DNAH11: variants seen among roughly 807,000 people sequenced by gnomAD.
DNAH11 encodes dynein axonemal heavy chain 11.
In DNAH11, 442 loss-of-function variants were observed where a neutral mutation model predicts 526.0. That is an observed-to-expected ratio of 0.84 (90% confidence interval 0.78 to 0.91). The LOEUF (loss-of-function observed/expected upper bound fraction) is 0.91, where lower values mean the gene tolerates loss of function less well. DNAH11 is among the 40% of genes least tolerant of loss of function. The pLI, the probability that DNAH11 is intolerant of heterozygous loss-of-function variation, is 0.00. For synonymous variants in DNAH11, 2,461 were observed against 1,935.9 expected (o/e 1.27, Z -7.12); for missense variants, 6,989 against 5,448.7 (o/e 1.28, Z -8.90).
intron 6 of DNAH11, among the ~76,000 whole-genome samples, chr7:21,569,570 A>G (rs1184134370): frequency 6.6e-6 from 1 of 152,108 alleles, no homozygotes; most frequent in Non-Finnish European, 1.5e-5. Flanking sequence ...ATGTTACTTG[A>G]GCCCCCAGAA....
At chr7:21,623,035 T>A (rs1786152291) in intron 25 of DNAH11, among the ~76,000 whole-genome samples, 1 of 151,816 alleles carries the variant, frequency 6.6e-6, no homozygotes, top group Non-Finnish European at 1.5e-5. Flanking sequence ...ACAGGCAACC[T>A]ACAAAATGGG....
chr7:21,756,642 T>G (rs917296019), intron 54 of DNAH11, among the ~76,000 whole-genome samples: 19 of 152,150 alleles, frequency 1.2e-4, no homozygotes, highest in South Asian at 8.3e-4. Context: ...ACTGTTTTCC[T>G]TGTTATAATT....
intron 46 of DNAH11, among the ~76,000 whole-genome samples, chr7:21,736,805 G>A (rs1775529702): frequency 6.6e-6 from 1 of 152,124 alleles, no homozygotes; most frequent in Admixed American, 6.5e-5. Context: ...CCCGGGCAAT[G>A]TATTGAGATA....
intron 32 of DNAH11, among the ~76,000 whole-genome samples, chr7:21,686,463 G>A (rs536785402): frequency 6.6e-6 from 1 of 152,192 alleles, no homozygotes; most frequent in East Asian, 1.9e-4. Flanking sequence ...AGGTATTCTT[G>A]TTTCATGATT....
chr7:21,570,187 G>C lies in DNAH11; in HGVS notation c.1313G>C (p.Arg438Thr), dbSNP rs1246017758. The C allele has an allele frequency of 6.2e-7, 1 of 1,613,356 alleles. No homozygotes were observed. The highest frequency in any genetic ancestry group is 2.2e-5 in the East Asian group (1 of 44,856). ...TTCAAAAACTCCTTTTTCAACTATA[G>C]AAAAAAATTGGCAAGCTACTTTATG... ...KTFKNSFFNY[R>T]KKLASYFMGR... The change falls in exon 7 of 82, where the codon AGA becomes ACA. Residue 438 changes from arginine to threonine, a missense_variant. Arg to Thr is a moderately conservative substitution (Grantham distance 71, BLOSUM62 -1). Transcript: ENST00000409508.
At chr7:21,666,706 TAGAGA>T (rs1782432923) in intron 30 of DNAH11, among the ~76,000 whole-genome samples, 1 of 151,998 alleles carries the variant, frequency 6.6e-6, no homozygotes, top group South Asian at 2.1e-4. Flanking sequence ...ATTACCTGAA[TAGAGA>T]AGCCTGTCAA....
chr7:21,601,617 A>G lies in DNAH11; in HGVS notation c.3647A>G (p.Glu1216Gly). The G allele has an allele frequency of 6.4e-7, 1 of 1,564,046 alleles. No individual in the cohort carries two copies. The highest frequency in any genetic ancestry group is 1.2e-5 in the South Asian group (1 of 84,362). The change falls in exon 18 of 82, where the codon GAG becomes GGG. Residue 1216 changes from glutamate to glycine, a missense_variant and splice_region_variant. By Grantham distance (98) the Glu-to-Gly change is moderately conservative. Transcript: ENST00000409508. Reference protein sequence around the residue: ...KMPEQVYIQLEELPERWETTK... With the variant: ...KMPEQVYIQLGELPERWETTK... ...CCTGAGCAGGTCTATATTCAGCTAG[A>G]GGTAAGTGCAGAGGTGAAATAATCA... is the stretch of plus-strand genomic sequence containing the variant.
At chr7:21,801,975 A>G (rs976199932) in intron 62 of DNAH11, among the ~76,000 whole-genome samples, 12 of 152,110 alleles carry the variant, frequency 7.9e-5, no homozygotes, top group African/African-American at 2.9e-4. Flanking sequence ...CACAGATTTT[A>G]TTTGCTCCAC....
At chr7:21,685,192 C>A (rs1038309581) in intron 32 of DNAH11, among the ~76,000 whole-genome samples, 1 of 152,158 alleles carries the variant, frequency 6.6e-6, no homozygotes. Flanking sequence ...GCATTGCTTT[C>A]AGTGAGAGGG....
intron 68 of DNAH11, among the ~76,000 whole-genome samples, chr7:21,857,803 T>A (rs1031287827): frequency 6.6e-6 from 1 of 152,124 alleles, no homozygotes; most frequent in Non-Finnish European, 1.5e-5. Context: ...CAAACTATTA[T>A]ACTATATAAA....
intron 8 of DNAH11, among the ~76,000 whole-genome samples, chr7:21,581,476 A>G (rs187030266): frequency 3.9e-5 from 6 of 152,332 alleles, no homozygotes; most frequent in Admixed American, 3.9e-4. Context: ...GAAAAAACAA[A>G]CAAAAACCCT....
Position 21,559,412 on chromosome 7 carries a change from T to C in DNAH11, c.693-191T>C, listed in dbSNP as rs1253344417. Among the ~76,000 whole-genome samples, 15 of 152,316 alleles carry C rather than the reference T, an allele frequency of 9.8e-5. No individual in the cohort carries two copies. The East Asian group carries it at 2.7e-3, about 27-fold the overall frequency. On this transcript the variant is annotated intron_variant, in intron 3 of 81. Coordinates refer to ENST00000409508, the MANE Select transcript of DNAH11 (RefSeq NM_001277115.2). Reference sequence around the variant, plus strand: ...GGATATAATTCTTTAACAGTGTTTTTTGAGGTTAGAGATATGTCACTGACA... The same window carrying C: ...GGATATAATTCTTTAACAGTGTTTTCTGAGGTTAGAGATATGTCACTGACA...
At chr7:21,844,855 G>C (rs1316316689) in intron 66 of DNAH11, among the ~76,000 whole-genome samples, 1 of 152,098 alleles carries the variant, frequency 6.6e-6, no homozygotes, top group Non-Finnish European at 1.5e-5. Flanking sequence ...GACAGCCATG[G>C]GATCAAGGCT....
At chr7:21,754,008 A>G (rs557104740) in intron 54 of DNAH11, among the ~76,000 whole-genome samples, 37 of 152,332 alleles carry the variant, frequency 2.4e-4, no homozygotes, top group Non-Finnish European at 4.6e-4. Flanking sequence ...CTTTATAAAC[A>G]GCTACCTTAC....
At chr7:21,630,508 G>C (rs1193046456) in intron 25 of DNAH11, among the ~76,000 whole-genome samples, 1 of 152,164 alleles carries the variant, frequency 6.6e-6, no homozygotes, top group African/African-American at 2.4e-5. Context: ...TCTGGTGGTG[G>C]CGAATTAGCT....
In DNAH11 at chr7:21,852,618, A is replaced by C; in HGVS notation, c.11048A>C (p.Glu3683Ala). 1 of 1,597,208 alleles carries C rather than the reference A, an allele frequency of 6.3e-7. No homozygotes were observed. Reference protein sequence around the residue: ...RLEATKTTVAEIEHKVIEAKE... With the variant: ...RLEATKTTVAAIEHKVIEAKE... The stretch of plus-strand genomic sequence containing the variant: ...GAGGCAACAAAGACCACCGTGGCAG[A>C]GATAGAGCACAAGGTAGGAAGGGCA... Residue 3683 changes from glutamate (E) to alanine (A), a missense_variant, in exon 67 of 82, where the codon GAG becomes GCG. Physicochemically the swap from Glu to Ala is moderately radical, Grantham distance 107 (BLOSUM62 -1). Transcript: ENST00000409508.
chr7:21,556,628 A>G (rs1783227233), intron 2 of DNAH11, among the ~76,000 whole-genome samples: 2 of 152,126 alleles, frequency 1.3e-5, no homozygotes, highest in African/African-American at 4.8e-5. Flanking sequence ...TACCCAGGTA[A>G]TCAGCATAGT....
At chr7:21,779,467 T>TG (rs1787842753) in intron 57 of DNAH11, among the ~76,000 whole-genome samples, 1 of 152,208 alleles carries the variant, frequency 6.6e-6, no homozygotes, top group South Asian at 2.1e-4. Context: ...AACTCAATTG[T>TG]TAACAAAGCC....
At position 21,658,792 on chromosome 7, in the gene DNAH11, C is replaced by T. The variant is rs768807134; in HGVS notation, c.5095-6C>T. On this transcript the variant is annotated splice_region_variant and splice_polypyrimidine_tract_variant and intron_variant, in intron 29 of 81. Transcript: ENST00000409508. ...TGTGTTATAACATTTCAACTTGCTT[C>T]CAAAGGTGGAAACATGGCTTCTGCA... The T allele has an allele frequency of 4.4e-5, 68 of 1,560,842 alleles. No individual in the cohort carries two copies. The highest frequency in any genetic ancestry group is 5.3e-5 in the Non-Finnish European group (61 of 1,151,576).
Sources: gnomAD v4.1 joint callset for allele counts (sites outside exome capture counted in the v4.1 genomes callset) on GRCh38, gnomAD v4.1.1 for gene constraint, MANE v1.5 for transcripts, NCBI Gene and HGNC (gene_info 2026-07-23, HGNC 2026-07-21) for gene names.